QTMAN: variants seen among roughly 807,000 people sequenced by gnomAD.
QTMAN encodes queuosine-tRNA mannosyltransferase.
chr2:144,246,433 C>A, the QTMAN span, among the ~76,000 whole-genome samples: 5 of 150,636 alleles, frequency 3.3e-5, no homozygotes, highest in East Asian at 9.8e-4. Flanking sequence ...ATTAGCCGGG[C>A]GCGGTGGCGG....
the QTMAN span, among the ~76,000 whole-genome samples, chr2:143,992,867 G>T: frequency 6.6e-6 from 1 of 152,014 alleles, no homozygotes; most frequent in Non-Finnish European, 1.5e-5. Context: ...TTCCAAACAG[G>T]AATATGGAAT....
chr2:144,166,785 A>G, the QTMAN span, among the ~76,000 whole-genome samples: 2 of 152,196 alleles, frequency 1.3e-5, 1 homozygote, highest in Non-Finnish European at 2.9e-5. Flanking sequence ...TGACTCTAAC[A>G]TTCTTCAGAC....
the QTMAN span, among the ~76,000 whole-genome samples, chr2:144,313,022 C>G: frequency 2.0e-5 from 3 of 152,178 alleles, no homozygotes; most frequent in African/African-American, 7.2e-5. Flanking sequence ...CTGGAAGGTG[C>G]CACTGCAGCA....
chr2:143,998,244 A>G, the QTMAN span, among the ~76,000 whole-genome samples: 10 of 152,102 alleles, frequency 6.6e-5, no homozygotes, highest in Non-Finnish European at 1.5e-4. Context: ...GCTTTTGACT[A>G]AGATCACAAT....
chr2:144,220,828 T>G, the QTMAN span, among the ~76,000 whole-genome samples: 1 of 152,248 alleles, frequency 6.6e-6, no homozygotes, highest in African/African-American at 2.4e-5. Context: ...TCCTCTATTT[T>G]CTATAATAGT....
At chr2:144,044,850 G>C in the QTMAN span, among the ~76,000 whole-genome samples, 2 of 152,164 alleles carry the variant, frequency 1.3e-5, no homozygotes, top group African/African-American at 4.8e-5. Flanking sequence ...CTGGTTTTGT[G>C]GAAGTATGTG....
chr2:144,245,412 G>T, the QTMAN span, among the ~76,000 whole-genome samples: 1 of 152,024 alleles, frequency 6.6e-6, no homozygotes, highest in Non-Finnish European at 1.5e-5. Flanking sequence ...AAAATTTGTG[G>T]AAAAGTTCAT....
At chr2:144,127,002 C>T in the QTMAN span, among the ~76,000 whole-genome samples, 1 of 151,938 alleles carries the variant, frequency 6.6e-6, no homozygotes, top group Non-Finnish European at 1.5e-5. Context: ...AAGACATACT[C>T]TCTCTTTTTA....
chr2:144,176,306 C>T, the QTMAN span, among the ~76,000 whole-genome samples: 2 of 152,066 alleles, frequency 1.3e-5, no homozygotes, highest in South Asian at 2.1e-4. Context: ...AACAGCTACT[C>T]ATGATTTTTT....
At chr2:144,038,339 A>G in the QTMAN span, among the ~76,000 whole-genome samples, 4 of 152,082 alleles carry the variant, frequency 2.6e-5, no homozygotes, top group African/African-American at 9.7e-5. Context: ...CATTACACAT[A>G]CATATACATA....
the QTMAN span, among the ~76,000 whole-genome samples, chr2:144,239,775 A>G: frequency 6.6e-6 from 1 of 152,278 alleles, no homozygotes; most frequent in East Asian, 1.9e-4. Flanking sequence ...AGTTTTCCTC[A>G]ATCTGTCTCA....
chr2:144,199,748 A>G, the QTMAN span, among the ~76,000 whole-genome samples: 6,562 of 152,318 alleles, frequency 0.043, 215 homozygotes, highest in South Asian at 0.11. Context: ...AATGAGAGAC[A>G]TGACAAATTC....
At chr2:144,308,962 A>T in the QTMAN span, among the ~76,000 whole-genome samples, 1 of 152,252 alleles carries the variant, frequency 6.6e-6, no homozygotes, top group Admixed American at 6.5e-5. Flanking sequence ...TGGACAAAAG[A>T]TTTCATCAGC....
At chr2:144,261,714 G>A in the QTMAN span, among the ~76,000 whole-genome samples, 1 of 152,144 alleles carries the variant, frequency 6.6e-6, no homozygotes, top group Non-Finnish European at 1.5e-5. Flanking sequence ...AACTTGAAGT[G>A]CATTTAGCAC....
At chr2:144,326,073 G>A in the QTMAN span, among the ~76,000 whole-genome samples, 1 of 152,110 alleles carries the variant, frequency 6.6e-6, no homozygotes, top group East Asian at 1.9e-4. Flanking sequence ...TTACTCTTTA[G>A]TATACAATTA....
the QTMAN span, among the ~76,000 whole-genome samples, chr2:144,300,488 A>AT: frequency 6.6e-6 from 1 of 152,228 alleles, no homozygotes; most frequent in Non-Finnish European, 1.5e-5. Flanking sequence ...TTATCACAGC[A>AT]TTATGTCTAA....
chr2:144,261,454 G>A, the QTMAN span, among the ~76,000 whole-genome samples: 2 of 151,996 alleles, frequency 1.3e-5, no homozygotes, highest in African/African-American at 4.8e-5. Context: ...TCTGAAATGG[G>A]GGAAAGCCCA....
the QTMAN span, chr2:143,952,817 TAACAC>T: frequency 6.2e-7 from 1 of 1,608,936 alleles, no homozygotes; most frequent in Non-Finnish European, 8.5e-7. Flanking sequence ...ACAAAGTGGG[TAACAC>T]CCACAGTACA....
chr2:144,221,358 A>T, the QTMAN span, among the ~76,000 whole-genome samples: 2 of 152,228 alleles, frequency 1.3e-5, no homozygotes, highest in African/African-American at 2.4e-5. Flanking sequence ...ACAAAAAGGG[A>T]TCTCATGATT....
Sources: allele counts gnomAD v4.1 joint callset (sites outside exome capture counted in the v4.1 genomes callset), GRCh38; gene constraint gnomAD v4.1.1; transcripts MANE v1.5; gene names NCBI Gene and HGNC (gene_info 2026-07-23, HGNC 2026-07-21).